The following EXOC4 variants were observed in gnomAD, a reference collection of about 807,000 sequenced individuals.
EXOC4 encodes the protein exocyst complex component 4.
A neutral mutation model predicts 107.2 loss-of-function variants in EXOC4; 71 were observed. That is an observed-to-expected ratio of 0.66 (90% confidence interval 0.55 to 0.81). EXOC4 has a LOEUF of 0.81. Among genes scored for constraint, EXOC4 ranks in the 30% least tolerant of loss-of-function variants. The probability of loss-of-function intolerance (pLI) is 0.00; values close to 1 mark genes in which losing one functional copy is unlikely to be tolerated. For missense variants in EXOC4, 1,108 were observed against 1,189.6 expected, an observed-to-expected ratio of 0.93 and a Z score of 1.01; for synonymous variants, 456 against 441.2, an observed-to-expected ratio of 1.03 and a Z score of -0.42.
intron 11 of EXOC4, among the ~76,000 whole-genome samples, chr7:133,856,144 C>T (rs967694862): frequency 1.3e-5 from 2 of 152,218 alleles, no homozygotes; most frequent in African/African-American, 4.8e-5. Context: ...GATTCCAGAC[C>T]TGCTTCTCAC....
At chr7:133,946,619 C>T (rs576116363) in intron 14 of EXOC4, among the ~76,000 whole-genome samples, 63 of 152,274 alleles carry the variant, frequency 4.1e-4, no homozygotes, top group African/African-American at 1.5e-3. Context: ...TGTGGAAAGC[C>T]GCTGTGCTTA....
chr7:133,771,105 A>G (rs1418769533), intron 10 of EXOC4, among the ~76,000 whole-genome samples: 1 of 151,984 alleles, frequency 6.6e-6, no homozygotes, highest in Non-Finnish European at 1.5e-5. Context: ...GCCTAGGCAG[A>G]ACTGAAGTTA....
chr7:134,016,627 C>G (rs1057370011), intron 17 of EXOC4, among the ~76,000 whole-genome samples: 1 of 152,230 alleles, frequency 6.6e-6, no homozygotes, highest in African/African-American at 2.4e-5. Flanking sequence ...ACTAAACATA[C>G]AGATTCAGAC....
chr7:134,032,108 T>G (rs955679042), intron 17 of EXOC4, among the ~76,000 whole-genome samples: 4 of 152,236 alleles, frequency 2.6e-5, no homozygotes, highest in Non-Finnish European at 4.4e-5. Flanking sequence ...CAAAGGCTTT[T>G]TATAAGTTCC....
intron 10 of EXOC4, among the ~76,000 whole-genome samples, chr7:133,757,998 T>TTGA (rs746743755): frequency 9.2e-5 from 14 of 152,210 alleles, no homozygotes; most frequent in Non-Finnish European, 1.6e-4. Context: ...ATCACATTAA[T>TTGA]GGTTGCTTTT....
In EXOC4 at chr7:133,948,571, A is replaced by C. The variant is rs538599231; in HGVS notation, c.2206+10502A>C. ...TCCAGACAGCCCAGGAAAATGTAGC[A>C]AAGGGGCGAGATGTGCGAATTGTAT... On this transcript the variant is annotated intron_variant, in intron 14 of 17. Transcript: ENST00000253861. Among the ~76,000 whole-genome samples, 5 of 152,324 alleles carry C rather than the reference A, an allele frequency of 3.3e-5. No individual in the cohort carries two copies. The South Asian group carries it at 1.0e-3, about 32-fold the overall frequency.
intron 5 of EXOC4, among the ~76,000 whole-genome samples, chr7:133,345,980 C>A (rs1264764718): frequency 6.6e-6 from 1 of 152,078 alleles, no homozygotes; most frequent in Non-Finnish European, 1.5e-5. Flanking sequence ...TTTGAAAGAC[C>A]CTAATCAAAA....
chr7:133,833,402 T>C (rs1797852416), intron 11 of EXOC4, among the ~76,000 whole-genome samples: 2 of 152,220 alleles, frequency 1.3e-5, no homozygotes, highest in Non-Finnish European at 2.9e-5. Flanking sequence ...ATATTTCTTA[T>C]AGAGGGAGCT....
chr7:133,989,242 G>A (rs1387762858), intron 14 of EXOC4, among the ~76,000 whole-genome samples: 1 of 152,160 alleles, frequency 6.6e-6, no homozygotes, highest in Non-Finnish European at 1.5e-5. Context: ...AGAGAATTCA[G>A]GATAGAGAAC....
chr7:133,716,213 A>AT (rs1263460908), intron 10 of EXOC4, among the ~76,000 whole-genome samples: 1 of 152,250 alleles, frequency 6.6e-6, no homozygotes, highest in Middle Eastern at 3.2e-3. Flanking sequence ...AATACTTACA[A>AT]TGTGCAGGGC....
the EXOC4 span, among the ~76,000 whole-genome samples, chr7:134,096,882 C>T: frequency 6.6e-6 from 1 of 151,954 alleles, no homozygotes; most frequent in Admixed American, 6.6e-5. Context: ...TTGTAACACC[C>T]TCACAGACAC....
chr7:133,473,453 C>T (rs1383411381), intron 7 of EXOC4, among the ~76,000 whole-genome samples: 1 of 152,118 alleles, frequency 6.6e-6, no homozygotes. Context: ...TATTTGGGTG[C>T]TCTGGTGTCA....
chr7:133,430,940 T>G (rs1797842602), intron 7 of EXOC4, among the ~76,000 whole-genome samples: 1 of 152,220 alleles, frequency 6.6e-6, no homozygotes, highest in Non-Finnish European at 1.5e-5. Flanking sequence ...CTTGTCCATT[T>G]TGTTCACTTC....
At chr7:133,752,090 G>A (rs1795806564) in intron 10 of EXOC4, among the ~76,000 whole-genome samples, 1 of 152,166 alleles carries the variant, frequency 6.6e-6, no homozygotes, top group African/African-American at 2.4e-5. Flanking sequence ...GAGCCCAGGA[G>A]TTTGCAGGTA....
chr7:133,662,942 T>C (rs1470144175), intron 10 of EXOC4, among the ~76,000 whole-genome samples: 1 of 152,190 alleles, frequency 6.6e-6, no homozygotes, highest in East Asian at 1.9e-4. Flanking sequence ...AAGTATGTAT[T>C]GTGCAAGTGA....
intron 14 of EXOC4, among the ~76,000 whole-genome samples, chr7:133,972,274 A>ATTT (rs1158294080): frequency 1.3e-5 from 2 of 152,090 alleles, no homozygotes; most frequent in Non-Finnish European, 2.9e-5. Context: ...TCCTTCTTAC[A>ATTT]TTCATTATTT....
At chr7:134,038,395 G>C (rs902866078) in intron 17 of EXOC4, among the ~76,000 whole-genome samples, 4 of 152,126 alleles carry the variant, frequency 2.6e-5, no homozygotes, top group African/African-American at 9.7e-5. Flanking sequence ...GATACTCTAG[G>C]CACCTATACT....
chr7:133,549,377 T>C (rs1376471032), intron 9 of EXOC4, among the ~76,000 whole-genome samples: 1 of 152,024 alleles, frequency 6.6e-6, no homozygotes, highest in Non-Finnish European at 1.5e-5. Flanking sequence ...TGGTATATTT[T>C]CAAAATTGTT....
At chr7:133,907,918 A>G (rs976437012) in intron 12 of EXOC4, among the ~76,000 whole-genome samples, 2 of 152,142 alleles carry the variant, frequency 1.3e-5, no homozygotes, top group South Asian at 4.1e-4. Context: ...TCCAGAAGTT[A>G]TTATGTCATT....
Sources: allele counts gnomAD v4.1 joint callset (sites outside exome capture counted in the v4.1 genomes callset), GRCh38; gene constraint gnomAD v4.1.1; transcripts MANE v1.5; gene names NCBI Gene and HGNC (gene_info 2026-07-23, HGNC 2026-07-21).